The following ZMAT4 variants were observed in gnomAD, a reference collection of about 807,000 sequenced individuals.
ZMAT4 encodes zinc finger matrin-type protein 4.
Under a neutral mutation model 28.7 loss-of-function variants are expected in ZMAT4, and 17 were observed. The ratio of observed to expected loss-of-function variants is 0.59; its 90% CI spans 0.41 to 0.89. The LOEUF is 0.89. ZMAT4 is among the 40% of genes least tolerant of loss of function. The pLI is 0.00. For missense variants in ZMAT4, 240 were observed against 283.8 expected, an observed-to-expected ratio of 0.85 and a Z score of 1.11; for synonymous variants, 117 against 109.2, an observed-to-expected ratio of 1.07 and a Z score of -0.44.
chr8:40,852,067 G>T (rs993562678), intron 1 of ZMAT4, among the ~76,000 whole-genome samples: 2 of 151,808 alleles, frequency 1.3e-5, no homozygotes, highest in African/African-American at 4.8e-5. Flanking sequence ...GTGTTTTTTG[G>T]TAGAGACGGG....
At chr8:40,698,214 C>T (rs1246130799) in intron 3 of ZMAT4, among the ~76,000 whole-genome samples, 1 of 152,042 alleles carries the variant, frequency 6.6e-6, no homozygotes. Flanking sequence ...AAAGGTGATT[C>T]ATTAAATGCT....
intron 3 of ZMAT4, among the ~76,000 whole-genome samples, chr8:40,757,245 G>C (rs1812736195): frequency 6.6e-6 from 1 of 152,134 alleles, no homozygotes; most frequent in Non-Finnish European, 1.5e-5. Context: ...CCCTGCCCAT[G>C]GCTGTGAATG....
At chr8:40,569,806 G>T (rs952434979) in intron 6 of ZMAT4, among the ~76,000 whole-genome samples, 1 of 152,048 alleles carries the variant, frequency 6.6e-6, no homozygotes, top group Non-Finnish European at 1.5e-5. Flanking sequence ...CCAACTGCAG[G>T]GTGGGTCAGC....
intron 6 of ZMAT4, among the ~76,000 whole-genome samples, chr8:40,568,805 C>T (rs1804003621): frequency 6.6e-6 from 1 of 152,100 alleles, no homozygotes; most frequent in South Asian, 2.1e-4. Flanking sequence ...TCCCAATACA[C>T]ATTACTGCAC....
chr8:40,704,572 T>C (rs59885165), intron 3 of ZMAT4, among the ~76,000 whole-genome samples: 47,696 of 152,236 alleles, frequency 0.31, 9,240 homozygotes, highest in Middle Eastern at 0.53. Flanking sequence ...GTTTTAGAAT[T>C]GTCTTTCTAA....
At chr8:40,593,859 T>A (rs1046106222) in intron 5 of ZMAT4, among the ~76,000 whole-genome samples, 1 of 152,140 alleles carries the variant, frequency 6.6e-6, no homozygotes. Context: ...AGCTCTTAGA[T>A]CTTCATTCTC....
chr8:40,751,277 G>T (rs1294621681), intron 3 of ZMAT4, among the ~76,000 whole-genome samples: 1 of 152,126 alleles, frequency 6.6e-6, no homozygotes, highest in Non-Finnish European at 1.5e-5. Flanking sequence ...CGGTTCTACA[G>T]GCTTTACAGG....
chr8:40,658,556 G>A (rs1341086712), intron 5 of ZMAT4, among the ~76,000 whole-genome samples: 1 of 151,440 alleles, frequency 6.6e-6, no homozygotes, highest in African/African-American at 2.4e-5. Context: ...TAAGATGTCT[G>A]GCGTTGGCTC....
At chr8:40,808,574 G>GAA in intron 2 of ZMAT4, 1 of 438,076 alleles carries the variant, frequency 2.3e-6, no homozygotes. Context: ...GCACCACACT[G>GAA]CAAAAAAAAA....
At chr8:40,548,483 G>A (rs1803269055) in intron 6 of ZMAT4, among the ~76,000 whole-genome samples, 1 of 152,144 alleles carries the variant, frequency 6.6e-6, no homozygotes, top group South Asian at 2.1e-4. Flanking sequence ...TGTTGGAAAT[G>A]TTTATGTTGC....
chr8:40,598,725 C>T (rs919188775), intron 5 of ZMAT4, among the ~76,000 whole-genome samples: 1 of 152,086 alleles, frequency 6.6e-6, no homozygotes, highest in Admixed American at 6.6e-5. Flanking sequence ...TTTTGGAATT[C>T]TATGTCAACA....
intron 1 of ZMAT4, among the ~76,000 whole-genome samples, chr8:40,845,461 G>A (rs143387001): frequency 8.5e-5 from 13 of 152,218 alleles, no homozygotes; most frequent in Non-Finnish European, 1.5e-4. Flanking sequence ...CCCAGACACC[G>A]TGTGCCAGTT....
chr8:40,690,626 T>C (rs536316635), intron 4 of ZMAT4, among the ~76,000 whole-genome samples: 1 of 152,314 alleles, frequency 6.6e-6, no homozygotes, highest in South Asian at 2.1e-4. Context: ...TGAAATCTTA[T>C]ATGCAAATAT....
chr8:40,648,691 T>A (rs372987534), intron 5 of ZMAT4, among the ~76,000 whole-genome samples: 2 of 75,220 alleles, frequency 2.7e-5, no homozygotes, highest in East Asian at 4.9e-4. Context: ...CGGGTTACCC[T>A]CAAAGGGAAG....
intron 4 of ZMAT4, among the ~76,000 whole-genome samples, chr8:40,685,728 A>G (rs1809374560): frequency 6.6e-6 from 1 of 152,136 alleles, no homozygotes; most frequent in Non-Finnish European, 1.5e-5. Flanking sequence ...CTGATTAAAG[A>G]AGCCCATCTC....
At chr8:40,821,286 C>T (rs944003865) in intron 2 of ZMAT4, among the ~76,000 whole-genome samples, 4 of 152,054 alleles carry the variant, frequency 2.6e-5, no homozygotes, top group African/African-American at 7.3e-5. Context: ...TGTTTTTTTA[C>T]CCCCGTAACG....
At chr8:40,864,412 G>A (rs1206803410) in intron 1 of ZMAT4, among the ~76,000 whole-genome samples, 1 of 152,168 alleles carries the variant, frequency 6.6e-6, no homozygotes, top group Non-Finnish European at 1.5e-5. Context: ...CTAATGCTGG[G>A]GTGTCACGCA....
chr8:40,565,482 T>C (rs890894711), intron 6 of ZMAT4, among the ~76,000 whole-genome samples: 3 of 149,700 alleles, frequency 2.0e-5, no homozygotes, highest in African/African-American at 7.4e-5. Context: ...ATTCAAGCAA[T>C]TCTCCTGCCT....
chr8:40,851,465 T>C (rs989203939), intron 1 of ZMAT4, among the ~76,000 whole-genome samples: 2 of 152,246 alleles, frequency 1.3e-5, no homozygotes, highest in African/African-American at 4.8e-5. Flanking sequence ...GTCTAGTTAA[T>C]AGTTGTGTAC....
Sources: allele counts gnomAD v4.1 joint callset (sites outside exome capture counted in the v4.1 genomes callset), GRCh38; gene constraint gnomAD v4.1.1; transcripts MANE v1.5; gene names NCBI Gene and HGNC (gene_info 2026-07-23, HGNC 2026-07-21).